Variants in AHI1 observed in about 807,000 individuals in gnomAD.
The protein encoded by AHI1 is jouberin.
AHI1 carries 123 observed loss-of-function variants against 149.3 expected under a neutral mutation model. The ratio of observed to expected loss-of-function variants is 0.82; its 90% CI spans 0.71 to 0.96. The LOEUF is 0.96. Ranked by LOEUF, AHI1 falls within the 40% of genes least tolerant of loss-of-function variation. AHI1 has a pLI of 0.00. For missense variants in AHI1, 1,439 were observed against 1,422.7 expected (o/e 1.01, Z -0.18); for synonymous variants, 475 against 459.8 (o/e 1.03, Z -0.42).
intron 23 of AHI1, chr6:135,388,036 G>A: frequency 6.2e-7 from 1 of 1,613,394 alleles, no homozygotes; most frequent in Non-Finnish European, 8.5e-7. Flanking sequence ...GTGACTGTCT[G>A]GAAAACAAAT....
Position 135,438,357 on chromosome 6 carries a change from C to A in AHI1, c.2036+18G>T. 1 of 1,574,710 alleles carries A rather than the reference C, an allele frequency of 6.4e-7. No individual in the cohort carries two copies. The highest frequency in any genetic ancestry group is 8.6e-7 in the Non-Finnish European group (1 of 1,158,046). ...ACAGCAAACAGCATGCACATAAGTA[C>A]TTCTCAAGGATACTAACCTGGCAGT... On this transcript the variant is annotated intron_variant, in intron 15 of 28. Transcript: ENST00000265602.
At chr6:135,333,801 T>C (rs565549400) in intron 24 of AHI1, among the ~76,000 whole-genome samples, 13 of 152,182 alleles carry the variant, frequency 8.5e-5, no homozygotes, top group Non-Finnish European at 1.5e-4. Context: ...ATCTGTAAAA[T>C]AAGAGGTCTA....
intron 26 of AHI1, among the ~76,000 whole-genome samples, chr6:135,317,260 C>A (rs2128374349): frequency 6.6e-6 from 1 of 151,934 alleles, no homozygotes; most frequent in South Asian, 2.1e-4. Context: ...TTCAGGGGAT[C>A]CCCTTCGTCA....
chr6:135,326,565 A>AT (rs561143197), intron 24 of AHI1, among the ~76,000 whole-genome samples: 2,024 of 146,036 alleles, frequency 0.014, 25 homozygotes, highest in Non-Finnish European at 0.021. Flanking sequence ...CCCACAGGTA[A>AT]TTTTTTTTTT....
chr6:135,294,900 T>C (rs1341200613), intron 27 of AHI1, among the ~76,000 whole-genome samples: 3 of 152,034 alleles, frequency 2.0e-5, no homozygotes, highest in Admixed American at 2.0e-4. Context: ...TACTAAAGCA[T>C]GATTTGTAAA....
chr6:135,397,744 G>T (rs1008352696), intron 22 of AHI1, among the ~76,000 whole-genome samples: 9 of 151,946 alleles, frequency 5.9e-5, no homozygotes, highest in Admixed American at 1.3e-4. Context: ...TAAAACCTTT[G>T]GGAGATATAT....
At chr6:135,357,172 T>C (rs1036751460) in intron 24 of AHI1, among the ~76,000 whole-genome samples, 18 of 152,260 alleles carry the variant, frequency 1.2e-4, no homozygotes, top group Middle Eastern at 3.4e-3. Context: ...CTCCTGACCT[T>C]GTGATCTGCC....
chr6:135,494,884 G>A (rs1426650362), intron 3 of AHI1, among the ~76,000 whole-genome samples: 2 of 152,144 alleles, frequency 1.3e-5, no homozygotes, highest in East Asian at 1.9e-4. Context: ...TATACTGTGT[G>A]GCATCAAAAG....
At chr6:135,378,368 A>G (rs991332509) in intron 23 of AHI1, among the ~76,000 whole-genome samples, 5 of 152,254 alleles carry the variant, frequency 3.3e-5, no homozygotes, top group Admixed American at 2.0e-4. Context: ...CTAACCAATA[A>G]TCAAATACCA....
At chr6:135,360,813 CT>C (rs1793748783) in intron 23 of AHI1, among the ~76,000 whole-genome samples, 2 of 152,044 alleles carry the variant, frequency 1.3e-5, no homozygotes, top group Admixed American at 6.5e-5. Context: ...ATAAATCGAC[CT>C]ATCAACAAAT....
chr6:135,312,836 T>C (rs1328862118), intron 26 of AHI1, among the ~76,000 whole-genome samples: 1 of 152,264 alleles, frequency 6.6e-6, no homozygotes, highest in Non-Finnish European at 1.5e-5. Flanking sequence ...GTCCTTTCCA[T>C]GTCACTAGTT....
At chr6:135,373,550 T>C (rs1775386525) in intron 23 of AHI1, among the ~76,000 whole-genome samples, 1 of 152,222 alleles carries the variant, frequency 6.6e-6, no homozygotes, top group Non-Finnish European at 1.5e-5. Flanking sequence ...AGAAATTTTA[T>C]GTTTCTTGGG....
chr6:135,425,985 CTG>C (rs1272370473), intron 20 of AHI1, among the ~76,000 whole-genome samples: 1 of 151,812 alleles, frequency 6.6e-6, no homozygotes, highest in African/African-American at 2.4e-5. Context: ...GAGGAAATAA[CTG>C]TGCTGCCTAT....
chr6:135,387,134 A>G (rs1306406943), intron 23 of AHI1, among the ~76,000 whole-genome samples: 2 of 151,990 alleles, frequency 1.3e-5, no homozygotes, highest in Non-Finnish European at 2.9e-5. Context: ...CTTACACCTC[A>G]GCCTCCCAAA....
At chr6:135,490,185 A>C (rs771098715) in intron 5 of AHI1, 10 of 723,826 alleles carry the variant, frequency 1.4e-5, no homozygotes, top group Non-Finnish European at 2.3e-5. Flanking sequence ...TCAAACATAA[A>C]AGGATAATTA....
chr6:135,339,294 A>C (rs1184863318), intron 24 of AHI1, among the ~76,000 whole-genome samples: 1 of 152,170 alleles, frequency 6.6e-6, no homozygotes, highest in Non-Finnish European at 1.5e-5. Context: ...CGAAACATGC[A>C]AGGAAAGAGG....
intron 25 of AHI1, among the ~76,000 whole-genome samples, chr6:135,319,160 T>C (rs556366984): frequency 4.1e-4 from 62 of 152,242 alleles, no homozygotes; most frequent in African/African-American, 1.4e-3. Flanking sequence ...GAAGACTAGG[T>C]AGGATTTTAC....
intron 25 of AHI1, among the ~76,000 whole-genome samples, chr6:135,319,774 T>C (rs1193991811): frequency 1.3e-5 from 2 of 152,224 alleles, no homozygotes; most frequent in African/African-American, 4.8e-5. Context: ...TGTCTTTGTA[T>C]GTGGAGTGAT....
chr6:135,479,826 G>A (rs1793316693), intron 5 of AHI1, among the ~76,000 whole-genome samples: 1 of 152,190 alleles, frequency 6.6e-6, no homozygotes, highest in Non-Finnish European at 1.5e-5. Flanking sequence ...TGTTGAAAGA[G>A]GCACCAGGTG....
Sources: gnomAD v4.1 joint callset for allele counts (sites outside exome capture counted in the v4.1 genomes callset) on GRCh38, gnomAD v4.1.1 for gene constraint, MANE v1.5 for transcripts, NCBI Gene and HGNC (gene_info 2026-07-23, HGNC 2026-07-21) for gene names.